Variants in DAB1 observed in about 807,000 individuals in gnomAD.
DAB1 encodes the protein disabled homolog 1.
A neutral mutation model predicts 64.6 loss-of-function variants in DAB1; 15 were observed. The observed-to-expected ratio is 0.23, with a 90% CI of 0.16 to 0.36. The LOEUF is 0.36. DAB1 is among the 10% of genes least tolerant of loss of function. The pLI is 1.00. For missense variants in DAB1, 596 were observed against 706.7 expected (o/e 0.84, Z 1.78); for synonymous variants, 235 against 251.9 (o/e 0.93, Z 0.64).
chr1:57,827,204 T>A lies in DAB1; in HGVS notation n.88-749A>T, dbSNP rs536723816. On this transcript the variant is annotated intron_variant and non_coding_transcript_variant, in intron 1 of 1. Coordinates refer to the DAB1 transcript ENST00000477280. ...AACATTTATGCCTGTTTCCCCTTCA[T>A]AACCTGCCCTTCTCCTATAGGACAT... Among the ~76,000 whole-genome samples the A allele has an allele frequency of 2.6e-5, 4 of 152,340 alleles. No individual in the cohort carries two copies. The South Asian group carries it at 8.3e-4, about 32-fold the overall frequency.
intron 2 of DAB1, among the ~76,000 whole-genome samples, chr1:57,163,720 G>A (rs1234681856): frequency 6.6e-6 from 1 of 152,052 alleles, no homozygotes; most frequent in Admixed American, 6.6e-5. Flanking sequence ...GAAATGGGCT[G>A]AATCAAAAAA....
At chr1:58,077,654 G>T (rs949273445) in intron 5 of DAB1, among the ~76,000 whole-genome samples, 3 of 152,174 alleles carry the variant, frequency 2.0e-5, no homozygotes, top group African/African-American at 7.2e-5. Context: ...AAAGATCAAT[G>T]GGTGCCCCAG....
intron 4 of DAB1, among the ~76,000 whole-genome samples, chr1:58,222,269 A>G (rs1659212031): frequency 6.6e-6 from 1 of 152,024 alleles, no homozygotes; most frequent in Admixed American, 6.6e-5. Context: ...GTATATGTAT[A>G]TATACATTTT....
chr1:58,482,227 A>G (rs769931476), intron 3 of DAB1, among the ~76,000 whole-genome samples: 1 of 152,192 alleles, frequency 6.6e-6, no homozygotes, highest in Non-Finnish European at 1.5e-5. Flanking sequence ...CTTACGTCTC[A>G]TCCTGTAAGG....
intron 6 of DAB1, among the ~76,000 whole-genome samples, chr1:57,785,855 T>G (rs928937959): frequency 6.6e-6 from 1 of 152,182 alleles, no homozygotes; most frequent in African/African-American, 2.4e-5. Context: ...TTTGAGAGGA[T>G]CTCTCCAATT....
intron 5 of DAB1, among the ~76,000 whole-genome samples, chr1:58,044,076 A>T (rs1025244930): frequency 1.3e-5 from 2 of 152,212 alleles, no homozygotes; most frequent in Non-Finnish European, 2.9e-5. Flanking sequence ...CTGTATATTT[A>T]ATCTCAGCTC....
At chr1:57,024,145 T>C (rs899730266) in intron 10 of DAB1, among the ~76,000 whole-genome samples, 7 of 152,160 alleles carry the variant, frequency 4.6e-5, no homozygotes, top group Non-Finnish European at 7.3e-5. Flanking sequence ...TAGCAAGTGG[T>C]GCACAGACCC....
intron 12 of DAB1, among the ~76,000 whole-genome samples, chr1:57,013,501 T>A (rs1358932911): frequency 2.0e-5 from 3 of 152,230 alleles, no homozygotes; most frequent in Admixed American, 6.5e-5. Flanking sequence ...ATGCTGCCAC[T>A]ATGTAGATCA....
chr1:57,432,782 G>C (rs904196647), intron 7 of DAB1, among the ~76,000 whole-genome samples: 1 of 152,066 alleles, frequency 6.6e-6, no homozygotes, highest in Admixed American at 6.5e-5. Flanking sequence ...TAATATACCA[G>C]ATATGCACTT....
At chr1:57,361,977 T>G (rs2100900598) in intron 1 of DAB1, among the ~76,000 whole-genome samples, 1 of 152,308 alleles carries the variant, frequency 6.6e-6, no homozygotes, top group East Asian at 1.9e-4. Context: ...CTAAAGACAC[T>G]TGTCCCATCT....
At chr1:58,169,739 TTGA>T (rs1454693578) in intron 4 of DAB1, among the ~76,000 whole-genome samples, 1 of 152,126 alleles carries the variant, frequency 6.6e-6, no homozygotes, top group Non-Finnish European at 1.5e-5. Context: ...CCCATTTCTA[TTGA>T]TGATAAGCCA....
chr1:57,031,933 T>C (rs1646977835), intron 9 of DAB1, among the ~76,000 whole-genome samples: 2 of 152,190 alleles, frequency 1.3e-5, no homozygotes, highest in Admixed American at 1.3e-4. Flanking sequence ...AAGAGTGATA[T>C]TGGAAGGTGT....
intron 2 of DAB1, among the ~76,000 whole-genome samples, chr1:57,241,810 G>A (rs1212695933): frequency 6.6e-6 from 1 of 152,112 alleles, no homozygotes; most frequent in Non-Finnish European, 1.5e-5. Flanking sequence ...CCTCTAACCT[G>A]CTGGGCTTCA....
chr1:58,016,971 C>T (rs934957030), intron 5 of DAB1, among the ~76,000 whole-genome samples: 9 of 152,052 alleles, frequency 5.9e-5, no homozygotes, highest in Non-Finnish European at 1.0e-4. Flanking sequence ...TCTGAGTGCA[C>T]GTATTATTCT....
intron 5 of DAB1, among the ~76,000 whole-genome samples, chr1:58,130,655 G>C (rs1230155644): frequency 6.6e-6 from 1 of 151,718 alleles, no homozygotes; most frequent in African/African-American, 2.4e-5. Context: ...CAGGCCTGGT[G>C]GTGACAAAAT....
At chr1:57,014,162 G>C (rs967629265) in intron 12 of DAB1, among the ~76,000 whole-genome samples, 4 of 152,188 alleles carry the variant, frequency 2.6e-5, no homozygotes, top group African/African-American at 9.7e-5. Flanking sequence ...CACAGATGAG[G>C]AAACCAAGGC....
intron 4 of DAB1, among the ~76,000 whole-genome samples, chr1:58,215,899 C>T (rs1245530434): frequency 6.6e-6 from 1 of 152,148 alleles, no homozygotes; most frequent in East Asian, 1.9e-4. Context: ...TAGAATTTAA[C>T]CACAGCACCC....
At chr1:57,989,510 C>A (rs1390711572) in intron 5 of DAB1, among the ~76,000 whole-genome samples, 1 of 152,160 alleles carries the variant, frequency 6.6e-6, no homozygotes, top group Non-Finnish European at 1.5e-5. Flanking sequence ...GTTCTTCCCA[C>A]CCCATGAAGA....
At chr1:58,166,400 A>G (rs1655833957) in intron 4 of DAB1, among the ~76,000 whole-genome samples, 1 of 152,214 alleles carries the variant, frequency 6.6e-6, no homozygotes, top group African/African-American at 2.4e-5. Context: ...TTTGTTACAA[A>G]TAGAATTGTA....
Sources: allele counts gnomAD v4.1 joint callset (sites outside exome capture counted in the v4.1 genomes callset), GRCh38; gene constraint gnomAD v4.1.1; transcripts MANE v1.5; gene names NCBI Gene and HGNC (gene_info 2026-07-23, HGNC 2026-07-21).